Variants in GRM7 observed in about 807,000 individuals in gnomAD.
The protein encoded by GRM7 is glutamate metabotropic receptor 7, also known as metabotropic glutamate receptor 7.
A neutral mutation model predicts 84.5 loss-of-function variants in GRM7; 35 were observed. That is an observed-to-expected ratio of 0.41 (90% confidence interval 0.32 to 0.55). The LOEUF (loss-of-function observed/expected upper bound fraction) is 0.55. Among genes scored for constraint, GRM7 ranks in the 20% least tolerant of loss-of-function variants. The pLI, the probability that GRM7 is intolerant of heterozygous loss-of-function variation, is 0.19. For missense variants in GRM7, 1,003 were observed against 1,194.6 expected (o/e 0.84, Z 2.36); for synonymous variants, 487 against 455.1 (o/e 1.07, Z -0.89).
chr3:7,245,133 C>G (rs772218745), intron 2 of GRM7, among the ~76,000 whole-genome samples: 1 of 151,938 alleles, frequency 6.6e-6, no homozygotes, highest in Non-Finnish European at 1.5e-5. Context: ...GAAACCCAAA[C>G]TGATTGAAAA....
At chr3:6,978,878 T>C (rs1277829710) in intron 1 of GRM7, among the ~76,000 whole-genome samples, 1 of 152,166 alleles carries the variant, frequency 6.6e-6, no homozygotes, top group Admixed American at 6.5e-5. Flanking sequence ...TCATCCTTGA[T>C]AGTGGTTTAA....
chr3:7,473,368 T>A (rs113050009), intron 7 of GRM7, among the ~76,000 whole-genome samples: 106 of 152,062 alleles, frequency 7.0e-4, no homozygotes, highest in African/African-American at 2.5e-3. Flanking sequence ...TCCTAGCTAC[T>A]CAGGAGGCTG....
intron 1 of GRM7, among the ~76,000 whole-genome samples, chr3:7,136,185 T>C (rs927873145): frequency 2.3e-5 from 3 of 132,038 alleles, no homozygotes; most frequent in African/African-American, 1.0e-4. Context: ...TTTTTATTCA[T>C]TTTTTTTTTC....
intron 1 of GRM7, among the ~76,000 whole-genome samples, chr3:7,059,452 C>T (rs1302124097): frequency 6.6e-6 from 1 of 151,632 alleles, no homozygotes; most frequent in Non-Finnish European, 1.5e-5. Flanking sequence ...TATGTAAAAA[C>T]AAAAGGGTAT....
chr3:7,403,876 A>T (rs1695565344), intron 4 of GRM7, among the ~76,000 whole-genome samples: 2 of 151,518 alleles, frequency 1.3e-5, no homozygotes, highest in Admixed American at 1.3e-4. Context: ...AATTAAGGGG[A>T]CCTTGTCTCT....
chr3:6,911,177 CT>C (rs912362385), intron 1 of GRM7, among the ~76,000 whole-genome samples: 3 of 151,814 alleles, frequency 2.0e-5, no homozygotes, highest in African/African-American at 7.3e-5. Context: ...TAATCTGGCA[CT>C]TTTTTTTGCC....
chr3:7,229,881 C>G (rs1274987711), intron 2 of GRM7, among the ~76,000 whole-genome samples: 2 of 135,342 alleles, frequency 1.5e-5, no homozygotes, highest in Non-Finnish European at 3.1e-5. Context: ...GCTCTGTTGC[C>G]CAGGATGGAG....
At chr3:7,013,963 ACATAT>A (rs1002373473) in intron 1 of GRM7, among the ~76,000 whole-genome samples, 9 of 152,152 alleles carry the variant, frequency 5.9e-5, no homozygotes, top group Admixed American at 3.9e-4. Context: ...GTGTTAACTG[ACATAT>A]CTGCCCTTCC....
intron 4 of GRM7, among the ~76,000 whole-genome samples, chr3:7,380,098 C>A (rs1189398527): frequency 6.6e-6 from 1 of 152,030 alleles, no homozygotes; most frequent in Non-Finnish European, 1.5e-5. Flanking sequence ...AATGGCTTGG[C>A]TTGGCTTGAA....
chr3:7,044,709 C>A (rs550273550), intron 1 of GRM7, among the ~76,000 whole-genome samples: 142 of 152,116 alleles, frequency 9.3e-4, no homozygotes, highest in African/African-American at 3.2e-3. Flanking sequence ...TGGTGTAGTG[C>A]CGATTTTTCA....
chr3:7,184,670 T>C (rs938499672), intron 2 of GRM7, among the ~76,000 whole-genome samples: 1 of 152,184 alleles, frequency 6.6e-6, no homozygotes, highest in African/African-American at 2.4e-5. Flanking sequence ...GACCAGATGA[T>C]ATTCTGTCAC....
At chr3:7,097,456 A>G (rs1698897346) in intron 1 of GRM7, among the ~76,000 whole-genome samples, 1 of 152,146 alleles carries the variant, frequency 6.6e-6, no homozygotes, top group Admixed American at 6.6e-5. Context: ...GAGATCCATA[A>G]TAGTTCCTGA....
intron 7 of GRM7, among the ~76,000 whole-genome samples, chr3:7,505,971 T>C (rs1429614135): frequency 6.6e-6 from 1 of 152,224 alleles, no homozygotes; most frequent in Non-Finnish European, 1.5e-5. Context: ...AGGCTGCTAG[T>C]TTTCCAAATC....
At chr3:7,458,952 A>G (rs1230628351) in intron 6 of GRM7, among the ~76,000 whole-genome samples, 2 of 152,188 alleles carry the variant, frequency 1.3e-5, no homozygotes, top group African/African-American at 4.8e-5. Context: ...ATATGCTCGC[A>G]AGACTTGTTG....
chr3:7,440,837 T>C (rs1697258048), intron 5 of GRM7, among the ~76,000 whole-genome samples: 2 of 152,182 alleles, frequency 1.3e-5, no homozygotes, highest in South Asian at 2.1e-4. Context: ...ATTCTTTTTT[T>C]ATGGATGTAC....
intron 8 of GRM7, among the ~76,000 whole-genome samples, chr3:7,608,328 T>C (rs2125077021): frequency 6.6e-6 from 1 of 152,322 alleles, no homozygotes; most frequent in Admixed American, 6.5e-5. Context: ...TGAGCTAATT[T>C]ACACTCCCAC....
chr3:7,218,062 T>G (rs1696674205), intron 2 of GRM7, among the ~76,000 whole-genome samples: 1 of 152,096 alleles, frequency 6.6e-6, no homozygotes, highest in South Asian at 2.1e-4. Context: ...TTATCTTTTA[T>G]TATGACTCTG....
intron 1 of GRM7, among the ~76,000 whole-genome samples, chr3:7,060,064 A>C (rs1697380830): frequency 6.6e-6 from 1 of 151,818 alleles, no homozygotes; most frequent in African/African-American, 2.4e-5. Context: ...GCTGGAGTAC[A>C]GAGAAGCAGA....
intron 1 of GRM7, among the ~76,000 whole-genome samples, chr3:6,957,930 A>G (rs163326): frequency 0.63 from 95,451 of 152,096 alleles, 30,506 homozygotes; most frequent in African/African-American, 0.76. Flanking sequence ...GTTATAATAT[A>G]ACGTAGAATG....
Sources: allele counts gnomAD v4.1 joint callset (sites outside exome capture counted in the v4.1 genomes callset), GRCh38; gene constraint gnomAD v4.1.1; transcripts MANE v1.5; gene names NCBI Gene and HGNC (gene_info 2026-07-23, HGNC 2026-07-21).